The following YEATS2 variants were observed in gnomAD, a reference collection of about 807,000 sequenced individuals.
YEATS2 encodes YEATS domain containing 2.
YEATS2 carries 77 observed loss-of-function variants against 163.2 expected under a neutral mutation model. The ratio of observed to expected loss-of-function variants is 0.47; its 90% CI spans 0.39 to 0.57. The LOEUF (loss-of-function observed/expected upper bound fraction) is 0.57. Among genes scored for constraint, YEATS2 ranks in the 20% least tolerant of loss-of-function variants. The pLI, the probability that YEATS2 is intolerant of heterozygous loss-of-function variation, is 0.00. For missense variants in YEATS2, 1,549 were observed against 1,729.8 expected (o/e 0.90, Z 1.85); for synonymous variants, 631 against 645.1 (o/e 0.98, Z 0.33).
At chr3:183,743,202 C>T (rs1044589143) in intron 8 of YEATS2, among the ~76,000 whole-genome samples, 10 of 152,076 alleles carry the variant, frequency 6.6e-5, no homozygotes, top group African/African-American at 2.4e-4. Context: ...CAACCACGAT[C>T]TTTGAAAGGT....
intron 19 of YEATS2, among the ~76,000 whole-genome samples, chr3:183,783,564 G>T (rs560674951): frequency 9.2e-5 from 14 of 152,258 alleles, no homozygotes; most frequent in Admixed American, 3.9e-4. Flanking sequence ...CCTGCCCCAT[G>T]TCATAGTCCT....
intron 2 of YEATS2, among the ~76,000 whole-genome samples, chr3:183,715,794 G>C (rs967174217): frequency 1.1e-4 from 17 of 152,218 alleles, no homozygotes; most frequent in African/African-American, 4.1e-4. Context: ...CATCGATCTA[G>C]TTCAACCCTT....
chr3:183,791,077 A>G, intron 21 of YEATS2, 97 bp downstream of exon 21: 1 of 1,468,940 alleles, frequency 6.8e-7, no homozygotes, highest in South Asian at 1.3e-5. Context: ...TCTGTCGCCC[A>G]AGCTAGAGTG....
rs141872073 is a variant in YEATS2 at position 183,771,598 on chromosome 3, T to C, written c.1948-707T>C. On this transcript the variant is annotated intron_variant, in intron 15 of 30. Transcript: ENST00000305135. The stretch of plus-strand genomic sequence containing the variant: ...TAGGGTCTTGCTCTGTCACCCAGGC[T>C]GGAGGGCAGTGGTGTGATCACGGCT... 0.011 allele frequency among the ~76,000 whole-genome samples: 1,453 copies of C among 137,732 alleles called. 56 individuals are homozygous for C. In the East Asian group the frequency reaches 0.16, roughly 15 times the overall value. The allele number at this position is 137,732 out of a possible 152,430, so 90.4% of individuals were successfully genotyped here. A position where few individuals can be genotyped will look rare whatever the true frequency, so the allele number is the denominator to read the frequency against.
intron 19 of YEATS2, among the ~76,000 whole-genome samples, chr3:183,784,073 C>T (rs1218339738): frequency 6.6e-6 from 1 of 152,088 alleles, no homozygotes; most frequent in Non-Finnish European, 1.5e-5. Flanking sequence ...GGCCAGCTAA[C>T]TTTTTATTTT....
intron 1 of YEATS2, among the ~76,000 whole-genome samples, chr3:183,707,202 GA>G (rs749246785): frequency 6.6e-6 from 1 of 152,092 alleles, no homozygotes; most frequent in Non-Finnish European, 1.5e-5. Context: ...ATATTTCTAA[GA>G]AAAAAGTCTT....
chr3:183,737,992 A>C (rs1168345798), intron 8 of YEATS2, among the ~76,000 whole-genome samples: 1 of 151,934 alleles, frequency 6.6e-6, no homozygotes, highest in Non-Finnish European at 1.5e-5. Context: ...AATATTTCAA[A>C]CTTTTTTTTT....
In YEATS2 at chr3:183,776,810, G is replaced by A. The variant is rs113892913; in HGVS notation, c.2577+687G>A. On this transcript the variant is annotated intron_variant, in intron 18 of 30. Transcript: ENST00000305135. ...CTATTAAAAATACAAAAATCAGTCG[G>A]GTGTGGTGGTGCATGCCTGTAATCC... Among the ~76,000 whole-genome samples the A allele has an allele frequency of 6.2e-3, 948 of 152,140 alleles. 10 individuals carry two copies. The highest frequency in any genetic ancestry group is 0.022 in the African/African-American group (898 of 41,494).
chr3:183,741,377 A>G (rs1277273810), intron 8 of YEATS2, among the ~76,000 whole-genome samples: 1 of 152,216 alleles, frequency 6.6e-6, no homozygotes. Flanking sequence ...ACATCTGTTT[A>G]TAGCATGGTT....
At chr3:183,721,537 T>C (rs1162877680) in intron 4 of YEATS2, among the ~76,000 whole-genome samples, 1 of 152,248 alleles carries the variant, frequency 6.6e-6, no homozygotes, top group Non-Finnish European at 1.5e-5. Flanking sequence ...TTTATATTTC[T>C]TTCAGGGATA....
chr3:183,802,962 A>G (rs1014324346), intron 25 of YEATS2: 11 of 322,694 alleles, frequency 3.4e-5, no homozygotes, highest in Non-Finnish European at 5.8e-5. Flanking sequence ...TGGCGGGTCC[A>G]GGGCTCCTAG....
At chr3:183,718,625 C>A in intron 4 of YEATS2, 33 bp downstream of exon 4, 2 of 1,515,756 alleles carry the variant, frequency 1.3e-6, no homozygotes, top group Non-Finnish European at 1.8e-6. Context: ...CATTTTCCAG[C>A]CACTCATATT....
chr3:183,761,636 G>C, intron 14 of YEATS2, 22 bp downstream of exon 14: 2 of 1,598,608 alleles, frequency 1.3e-6, no homozygotes, highest in South Asian at 2.2e-5. Flanking sequence ...TTAGGGCATT[G>C]TCCCACAAGT....
Position 183,762,208 on chromosome 3 carries a change from G to C in YEATS2, c.1876G>C (p.Val626Leu). Residue 626 changes from valine (V) to leucine (L), a missense_variant, in exon 15 of 31, where the codon GTG becomes CTG. Transcript: ENST00000305135. ...VTVKGGHMIA[V>L]SPQKQVITPG... ...TGTGAAAGGGGGTCACATGATAGCT[G>C]TGTCCCCTCAAAAACAGGTCATAAC... is the stretch of plus-strand genomic sequence containing the variant. The C allele has an allele frequency of 6.2e-7, 1 of 1,614,152 alleles. No individual in the cohort carries two copies. Among genetic ancestry groups the C allele is most frequent in the Non-Finnish European group, 8.5e-7 (1 of 1,180,010 alleles).
At chr3:183,803,571 T>G (rs998254562) in intron 26 of YEATS2, 7 of 571,882 alleles carry the variant, frequency 1.2e-5, no homozygotes, top group African/African-American at 9.4e-5. Context: ...TTTCAGAGTT[T>G]TAAATGAACT....
At position 183,777,525 on chromosome 3, in the gene YEATS2, A is replaced by AT. The variant is rs759990584; in HGVS notation, c.2578-10dup. On this transcript the variant is annotated splice_polypyrimidine_tract_variant and intron_variant, in intron 18 of 30. Coordinates refer to ENST00000305135, the MANE Select transcript of YEATS2 (RefSeq NM_018023.5). Reference sequence around the variant, plus strand: ...AACAAATTACCGATTAGTTCTTTATATTTTTTTCTAACTTAGGGCACATTT... The same window carrying AT: ...AACAAATTACCGATTAGTTCTTTATATTTTTTTTCTAACTTAGGGCACATTT... 3 of 1,610,940 alleles carry AT rather than the reference A, an allele frequency of 1.9e-6. No individual in the cohort carries two copies. The highest frequency in any genetic ancestry group is 2.7e-5 in the African/African-American group (2 of 74,598).
chr3:183,772,452 A>C lies in YEATS2; in HGVS notation c.2095A>C (p.Lys699Gln). ...PKQVVTQGVAKAIVSGGGGTI... is the reference protein window; with the variant it reads ...PKQVVTQGVAQAIVSGGGGTI... Reference sequence around the variant, plus strand: ...GCAAGTTGTAACCCAAGGAGTTGCCAAAGCAATTGTGAGTGGAGGTGGAGG... The same window carrying C: ...GCAAGTTGTAACCCAAGGAGTTGCCCAAGCAATTGTGAGTGGAGGTGGAGG... The change falls in exon 16 of 31, where the codon AAA (lysine) becomes CAA (glutamine). Residue 699 changes from lysine to glutamine, a missense_variant. Physicochemically the swap from Lys to Gln is moderately conservative, Grantham distance 53. Coordinates refer to ENST00000305135, the MANE Select transcript of YEATS2 (RefSeq NM_018023.5). 6.2e-7 allele frequency: 1 copy of C among 1,614,178 alleles called. No homozygotes were observed. The highest frequency in any genetic ancestry group is 8.5e-7 in the Non-Finnish European group (1 of 1,180,028).
At chr3:183,699,748 A>G (rs1713866668) in intron 1 of YEATS2, among the ~76,000 whole-genome samples, 1 of 152,158 alleles carries the variant, frequency 6.6e-6, no homozygotes, top group African/African-American at 2.4e-5. Context: ...CTCCTACCAA[A>G]ATGGCATGTA....
intron 1 of YEATS2, among the ~76,000 whole-genome samples, chr3:183,706,547 A>G (rs1480444047): frequency 6.6e-6 from 1 of 152,126 alleles, no homozygotes. Context: ...TCTAACCTAC[A>G]CTCTTATTAA....
Sources: gnomAD v4.1 joint callset for allele counts (sites outside exome capture counted in the v4.1 genomes callset) on GRCh38, gnomAD v4.1.1 for gene constraint, MANE v1.5 for transcripts, NCBI Gene and HGNC (gene_info 2026-07-23, HGNC 2026-07-21) for gene names.